Variants in RYK observed in about 807,000 individuals in gnomAD.
RYK encodes the protein receptor like tyrosine kinase, also known as inactive tyrosine-protein kinase RYK.
In RYK, 21 loss-of-function variants were observed where a neutral mutation model predicts 70.2. That is an observed-to-expected ratio of 0.30 (90% confidence interval 0.21 to 0.43). RYK has a LOEUF of 0.43. Ranked by LOEUF, RYK falls within the 20% of genes least tolerant of loss-of-function variation. The pLI is 1.00. For synonymous variants in RYK, 267 were observed against 278.0 expected (o/e 0.96, Z 0.39); for missense variants, 604 against 753.3 (o/e 0.80, Z 2.32).
chr3:134,199,103 A>C (rs1202682838), intron 6 of RYK, among the ~76,000 whole-genome samples: 2 of 152,238 alleles, frequency 1.3e-5, no homozygotes, highest in Non-Finnish European at 2.9e-5. Context: ...GGACAGACTC[A>C]TCAGGCGTAA....
chr3:134,232,661 T>C (rs1165161606), intron 1 of RYK, among the ~76,000 whole-genome samples: 2 of 152,224 alleles, frequency 1.3e-5, no homozygotes, highest in Non-Finnish European at 2.9e-5. Context: ...CTTTATTAGC[T>C]AAGGTAGTTA....
intron 8 of RYK, among the ~76,000 whole-genome samples, chr3:134,190,508 T>C (rs2013610507): frequency 6.6e-6 from 1 of 151,302 alleles, no homozygotes; most frequent in Non-Finnish European, 1.5e-5. Context: ...TGTTCCTCCA[T>C]ACCCGTCAAC....
At chr3:134,223,548 C>G (rs1309818851) in intron 1 of RYK, among the ~76,000 whole-genome samples, 1 of 151,522 alleles carries the variant, frequency 6.6e-6, no homozygotes, top group East Asian at 1.9e-4. Flanking sequence ...TGAACTTGAG[C>G]CTAGCTCATT....
At chr3:134,224,286 C>T (rs986810771) in intron 1 of RYK, among the ~76,000 whole-genome samples, 4 of 152,086 alleles carry the variant, frequency 2.6e-5, no homozygotes, top group Admixed American at 6.5e-5. Flanking sequence ...ACATAAGTCA[C>T]GTGTCCGACG....
intron 1 of RYK, among the ~76,000 whole-genome samples, chr3:134,239,903 A>G (rs1165584650): frequency 1.3e-5 from 2 of 152,202 alleles, no homozygotes; most frequent in Non-Finnish European, 2.9e-5. Context: ...TCTAGAAAGT[A>G]CCAGCCATGT....
chr3:134,186,269 T>C (rs776097919), intron 9 of RYK, among the ~76,000 whole-genome samples: 6 of 152,240 alleles, frequency 3.9e-5, no homozygotes, highest in Non-Finnish European at 7.3e-5. Flanking sequence ...CTGGAGTATC[T>C]ATGAAGTCTC....
chr3:134,185,906 A>G (rs965675802), intron 9 of RYK, among the ~76,000 whole-genome samples: 1 of 152,194 alleles, frequency 6.6e-6, no homozygotes, highest in Non-Finnish European at 1.5e-5. Context: ...AGAAAACTCA[A>G]TTAAAGATAA....
intron 1 of RYK, among the ~76,000 whole-genome samples, chr3:134,233,183 C>T (rs2015106579): frequency 6.6e-6 from 1 of 152,238 alleles, no homozygotes; most frequent in Non-Finnish European, 1.5e-5. Context: ...CTGGGCTGCC[C>T]AAGTGATCTC....
intron 13 of RYK, among the ~76,000 whole-genome samples, chr3:134,169,908 A>T (rs1029641077): frequency 6.6e-6 from 1 of 152,202 alleles, no homozygotes; most frequent in Non-Finnish European, 1.5e-5. Context: ...AACTTCACCC[A>T]TAAAGAAAAA....
chr3:134,229,329 C>T (rs987254214), intron 1 of RYK, among the ~76,000 whole-genome samples: 2 of 149,890 alleles, frequency 1.3e-5, no homozygotes, highest in African/African-American at 4.9e-5. Context: ...TCTCTTTCCC[C>T]CAACCCCTTC....
intron 5 of RYK, among the ~76,000 whole-genome samples, chr3:134,203,241 A>G (rs1355554842): frequency 3.3e-5 from 5 of 152,118 alleles, no homozygotes; most frequent in Non-Finnish European, 7.4e-5. Context: ...CTAGCTACTC[A>G]GGAGGCTGAG....
At chr3:134,193,961 C>A (rs1214369147) in intron 7 of RYK, among the ~76,000 whole-genome samples, 1 of 152,164 alleles carries the variant, frequency 6.6e-6, no homozygotes, top group African/African-American at 2.4e-5. Flanking sequence ...TACGAAATAC[C>A]TAGGTCCCCT....
In RYK at chr3:134,211,596, C is replaced by G. The variant is rs1409842951; in HGVS notation, c.366G>C (p.Lys122Asn). The change falls in exon 3 of 15, where the codon AAG becomes AAC. Residue 122 changes from lysine to asparagine, a missense_variant. By Grantham distance (94) the Lys-to-Asn change is moderately conservative (BLOSUM62 0). This residue lies in a region of RYK where 466 missense variants were observed against 535.9 expected (regional missense o/e 0.87). Coordinates refer to ENST00000623711, the MANE Select transcript of RYK (RefSeq NM_002958.4). ...TWHAKSKVEYKLGFQVDNVLA... is the reference protein window; with the variant it reads ...TWHAKSKVEYNLGFQVDNVLA... ...AAACATTGTCCACTTGGAATCCCAG[C>G]TTATATTCAACCTGTAAAATAGACA... 1 of 1,612,628 alleles carries G rather than the reference C, an allele frequency of 6.2e-7. No individual in the cohort carries two copies. Among genetic ancestry groups the G allele is most frequent in the Non-Finnish European group, 8.5e-7 (1 of 1,178,776 alleles).
intron 2 of RYK, among the ~76,000 whole-genome samples, chr3:134,217,323 C>G (rs2014587315): frequency 6.6e-6 from 1 of 152,142 alleles, no homozygotes; most frequent in Admixed American, 6.5e-5. Context: ...GATTACACCT[C>G]AGGGTTAAAT....
chr3:134,184,039 A>G (rs543490946), intron 9 of RYK, among the ~76,000 whole-genome samples: 1 of 152,312 alleles, frequency 6.6e-6, no homozygotes. Flanking sequence ...CTAACCTAAC[A>G]AACATTACAG....
At chr3:134,249,834 C>T (rs1169187446) in intron 1 of RYK, among the ~76,000 whole-genome samples, 2 of 150,982 alleles carry the variant, frequency 1.3e-5, no homozygotes, top group Admixed American at 6.6e-5. Context: ...AGAATCTAAG[C>T]ATATGCTCCA....
At position 134,178,077 on chromosome 3, in the gene RYK, T is replaced by A; in HGVS notation, c.1173-4A>T. 1 of 1,547,804 alleles carries A rather than the reference T, an allele frequency of 6.5e-7. No individual in the cohort carries two copies. Among genetic ancestry groups the A allele is most frequent in the Non-Finnish European group, 8.7e-7 (1 of 1,147,948 alleles). On this transcript the variant is annotated splice_region_variant and splice_polypyrimidine_tract_variant and intron_variant, in intron 10 of 14. Transcript: ENST00000623711. ...ATGAGTAATAGGAAGAAGATTTCTA[T>A]AAAATAATAAAAAATTGGGAGAAAG...
At chr3:134,176,771 CTGGG>C (rs1175480057) in intron 11 of RYK, among the ~76,000 whole-genome samples, 2 of 152,100 alleles carry the variant, frequency 1.3e-5, no homozygotes, top group Non-Finnish European at 1.5e-5. Flanking sequence ...AACCCTGCAG[CTGGG>C]TGCGGTGGCT....
intron 1 of RYK, among the ~76,000 whole-genome samples, chr3:134,241,836 A>C (rs1356817836): frequency 1.3e-5 from 2 of 152,198 alleles, no homozygotes; most frequent in African/African-American, 4.8e-5. Flanking sequence ...CTGTTTAAAA[A>C]CAAACAAACA....
Sources: gnomAD v4.1 joint callset for allele counts (sites outside exome capture counted in the v4.1 genomes callset) on GRCh38, gnomAD v4.1.1 for gene constraint, gnomAD v4.1.1 regional missense constraint, MANE v1.5 for transcripts, NCBI Gene and HGNC (gene_info 2026-07-23, HGNC 2026-07-21) for gene names.